The following STAG2 variants were observed in gnomAD, a reference collection of about 807,000 sequenced individuals.
The protein encoded by STAG2 is cohesin subunit SA-2.
A neutral mutation model predicts 108.1 loss-of-function variants in STAG2; 14 were observed. That is an observed-to-expected ratio of 0.13 (90% CI 0.09 to 0.20). The LOEUF (loss-of-function observed/expected upper bound fraction) is 0.20. Among genes scored for constraint, STAG2 ranks in the 10% least tolerant of loss-of-function variants. The pLI is 1.00. For missense variants in STAG2, 440 were observed against 940.9 expected (o/e 0.47, Z 6.96); for synonymous variants, 307 against 302.7 (o/e 1.01, Z -0.15).
chrX:124,019,894 C>T (rs763435212), intron 1 of STAG2, among the ~76,000 whole-genome samples: 45 of 112,356 alleles, frequency 4.0e-4, no homozygotes, highest in African/African-American at 9.4e-4. Context: ...GTTGTGATTG[C>T]GCCACTGCAC....
At chrX:124,088,615 C>CT (rs35629422) in intron 30 of STAG2, among the ~76,000 whole-genome samples, 36,183 of 82,016 alleles carry the variant, frequency 0.44, 7,870 homozygotes, top group Non-Finnish European at 0.55. Flanking sequence ...TATGTATAAT[C>CT]TTTTTTTTTT....
Position 124,100,771 on chromosome X carries a change from C to T in STAG2, c.*174C>T. On this transcript the variant is annotated 3_prime_UTR_variant, in exon 35 of 35. Transcript: ENST00000371145. The stretch of plus-strand genomic sequence containing the variant: ...GGGCAGTTTTGTTTGCCTGAATAAA[C>T]GTAAAGGACAAGTAAACAATTTGAT... The T allele has an allele frequency of 3.1e-6, 1 of 326,933 alleles. No homozygotes were observed. Among genetic ancestry groups the T allele is most frequent in the Non-Finnish European group, 5.5e-6 (1 of 183,212 alleles). The allele number at this position is 326,933 out of a possible 1,213,427, so 26.9% of individuals were successfully genotyped here.
chrX:124,017,052 A>T (rs1412916195), intron 1 of STAG2, among the ~76,000 whole-genome samples: 4 of 110,424 alleles, frequency 3.6e-5, no homozygotes, highest in African/African-American at 1.3e-4. Context: ...CTGCATTTTT[A>T]GTGAGAGAAT....
At chrX:124,079,734 G>A in intron 27 of STAG2, among the ~76,000 whole-genome samples, 1 of 112,381 alleles carries the variant, frequency 8.9e-6, no homozygotes, top group Non-Finnish European at 1.9e-5. Context: ...AATATAAAAA[G>A]GAACAAATGC....
intron 1 of STAG2, among the ~76,000 whole-genome samples, chrX:124,000,896 G>A (rs759543003): frequency 3.6e-5 from 4 of 110,140 alleles, no homozygotes; most frequent in African/African-American, 3.3e-5. Flanking sequence ...AGCGTTTAAC[G>A]AAAAAGTTTG....
upstream of STAG2, chrX:123,961,572 A>G (rs1307459712): frequency 9.2e-6 from 1 of 108,936 alleles, no homozygotes; most frequent in African/African-American, 3.4e-5. Flanking sequence ...GGAGGGGAGA[A>G]AGGAGGCTCA....
Position 124,079,752 on chromosome X carries a change from C to T in STAG2, c.2776-1628C>T, listed in dbSNP as rs1008965347. ...ATAAAAAGGAACAAATGCAAATTAT[C>T]CTTAATGTTTTCACTTCACAATAAC... On this transcript the variant is annotated intron_variant, in intron 27 of 34. Coordinates refer to ENST00000371145, the MANE Select transcript of STAG2 (RefSeq NM_001042750.2). 6.2e-5 allele frequency among the ~76,000 whole-genome samples: 7 copies of T among 112,676 alleles called. No individual in the cohort carries two copies. The East Asian group carries it at 1.1e-3, about 18-fold the overall frequency.
At chrX:123,982,965 T>C (rs1284165059) in intron 1 of STAG2, among the ~76,000 whole-genome samples, 1 of 111,345 alleles carries the variant, frequency 9.0e-6, no homozygotes, top group East Asian at 2.8e-4. Context: ...TGAAGTTATA[T>C]TGTTTTCTAA....
rs2058523122 is a variant in STAG2 at position 124,066,177 on chromosome X, C to A, written c.2099C>A (p.Ala700Asp). 2 of 936,249 alleles carry A rather than the reference C, an allele frequency of 2.1e-6. No individual in the cohort carries two copies. The highest frequency in any genetic ancestry group is 3.0e-6 in the Non-Finnish European group (2 of 671,483). 77.2% of individuals were successfully genotyped at this position (936,249 alleles called of 1,213,427 possible). A position where few individuals can be genotyped will look rare whatever the true frequency, so the allele number is the denominator to read the frequency against. ...TLKRITAFHNAHDLSKWDLFA... is the reference protein window; with the variant it reads ...TLKRITAFHNDHDLSKWDLFA... Reference sequence around the variant, plus strand: ...TTTTTTTTTTTTTTTTTTTACAGTGCCCATGACCTTTCAAAGTGGGATTTA... The same window carrying A: ...TTTTTTTTTTTTTTTTTTTACAGTGACCATGACCTTTCAAAGTGGGATTTA... Residue 700 changes from alanine (A) to aspartate (D), a missense_variant and splice_region_variant, in exon 22 of 35, where the codon GCC becomes GAC. Ala to Asp is a moderately radical substitution (Grantham distance 126). Around this residue, in one of 3 missense-constraint regions of STAG2, gnomAD observed 337 missense variants for 649.3 expected, o/e 0.52. Coordinates refer to ENST00000371145, the MANE Select transcript of STAG2 (RefSeq NM_001042750.2).
chrX:123,994,415 G>A (rs531813015), intron 1 of STAG2, among the ~76,000 whole-genome samples: 2 of 111,654 alleles, frequency 1.8e-5, no homozygotes, highest in South Asian at 7.6e-4. Context: ...ATGAGTTTTG[G>A]TGGGGACAAA....
In STAG2 at chrX:124,071,236, A is replaced by G. The variant is rs769435795; in HGVS notation, c.2446A>G (p.Thr816Ala). 5 of 1,205,041 alleles carry G rather than the reference A, an allele frequency of 4.1e-6. No homozygotes were observed. The highest frequency in any genetic ancestry group is 4.5e-6 in the Non-Finnish European group (4 of 892,429). ...TGACATGTTAGAGCCATTAGTGTAT[A>G]CCCCTGATTCTTCATTGCAGTCTGA... ...GRDMLEPLVYTPDSSLQSELL... is the reference protein window; with the variant it reads ...GRDMLEPLVYAPDSSLQSELL... The change falls in exon 25 of 35, where the codon ACC (threonine) becomes GCC (alanine). Residue 816 changes from threonine to alanine, a missense_variant. Coordinates refer to ENST00000371145, the MANE Select transcript of STAG2 (RefSeq NM_001042750.2).
intron 29 of STAG2, among the ~76,000 whole-genome samples, chrX:124,085,985 C>G (rs1468476661): frequency 1.8e-5 from 2 of 110,619 alleles, no homozygotes; most frequent in Non-Finnish European, 3.8e-5. Context: ...ATAATTTAGC[C>G]TTATAGAACT....
chrX:123,995,567 G>A (rs563073), intron 1 of STAG2, among the ~76,000 whole-genome samples: 55,274 of 108,440 alleles, frequency 0.51, 11,557 homozygotes, highest in African/African-American at 0.78. Context: ...GGTGGCGGGC[G>A]CCTGTAGTCC....
chrX:124,021,762 G>A (rs906937199), intron 2 of STAG2, among the ~76,000 whole-genome samples: 2 of 111,299 alleles, frequency 1.8e-5, no homozygotes, highest in African/African-American at 6.5e-5. Context: ...GCTTTGGACT[G>A]TATGTTTCCA....
chrX:123,994,824 CCTT>C (rs2055651804), intron 1 of STAG2, among the ~76,000 whole-genome samples: 1 of 111,755 alleles, frequency 8.9e-6, no homozygotes, highest in Non-Finnish European at 1.9e-5. Flanking sequence ...AGCTGTGTGA[CCTT>C]GGGAAAAGCT....
At chrX:124,028,985 T>TTATATATATATATATATATA (rs376061447) in intron 4 of STAG2, among the ~76,000 whole-genome samples, 1 of 64,025 alleles carries the variant, frequency 1.6e-5, no homozygotes, top group African/African-American at 6.8e-5. Context: ...TTATTTTTAT[T>TTATATATATATATATATATA]TATATATATA....
chrX:124,036,237 C>G (rs1275432991), intron 5 of STAG2, among the ~76,000 whole-genome samples: 1 of 111,820 alleles, frequency 8.9e-6, no homozygotes, highest in African/African-American at 3.2e-5. Flanking sequence ...ATGTTTTAGT[C>G]ATTGTTTGTA....
rs2148217897 is a variant in STAG2, at chrX:124,050,206, G to A, written c.914G>A (p.Arg305Gln). The part of the protein sequence containing the change: ...HRYRDAIAEI[R>Q]AICIEEIGIW... ...TTCAGTGATGCGATAGCTGAAATTC[G>A]AGCTATTTGCATTGAAGAGATTGGC... The change falls in exon 11 of 35, where the codon CGA becomes CAA. Residue 305 changes from arginine (R) to glutamine (Q), a missense_variant. This residue lies in a region of STAG2 where 69 missense variants were observed against 254.9 expected (regional missense o/e 0.27). Coordinates refer to ENST00000371145, the MANE Select transcript of STAG2 (RefSeq NM_001042750.2). 3 of 1,209,142 alleles carry A rather than the reference G, an allele frequency of 2.5e-6. No individual in the cohort carries two copies. The highest frequency in any genetic ancestry group is 3.4e-6 in the Non-Finnish European group (3 of 894,257).
chrX:123,998,587 CATCTATCTATCTATCTATCT>C (rs61659958), intron 1 of STAG2, among the ~76,000 whole-genome samples: 22 of 88,397 alleles, frequency 2.5e-4, no homozygotes, highest in Admixed American at 4.0e-4. Flanking sequence ...TCTGTCTATC[CATCTATCTATCTATCTATCT>C]ATCTATCTAT....
Sources: gnomAD v4.1 joint callset for allele counts (sites outside exome capture counted in the v4.1 genomes callset) on GRCh38, gnomAD v4.1.1 for gene constraint, gnomAD v4.1.1 regional missense constraint, MANE v1.5 for transcripts, NCBI Gene and HGNC (gene_info 2026-07-23, HGNC 2026-07-21) for gene names.